LRRN1: variants seen among roughly 807,000 people sequenced by gnomAD.
LRRN1 encodes leucine-rich repeat neuronal protein 1.
A neutral mutation model predicts 45.8 loss-of-function variants in LRRN1; 14 were observed. That is an observed-to-expected ratio of 0.31 (90% confidence interval 0.20 to 0.48). LRRN1 has a LOEUF of 0.48. LRRN1 is among the 20% of genes least tolerant of loss of function. The pLI is 0.99. For synonymous variants in LRRN1, 359 were observed against 330.1 expected (o/e 1.09, Z -0.95); for missense variants, 789 against 874.2 (o/e 0.90, Z 1.23).
intron 1 of LRRN1, among the ~76,000 whole-genome samples, chr3:3,800,517 C>G (rs1692624261): frequency 6.6e-6 from 1 of 151,578 alleles, no homozygotes; most frequent in Non-Finnish European, 1.5e-5. Context: ...GAAGGATCTA[C>G]CGAACTCTCG....
intron 1 of LRRN1, among the ~76,000 whole-genome samples, chr3:3,808,954 G>A (rs1692821434): frequency 1.3e-5 from 2 of 152,168 alleles, no homozygotes; most frequent in Admixed American, 1.3e-4. Flanking sequence ...GTTACAGATT[G>A]CATTCTCCTA....
chr3:3,834,064 T>C (rs1035953119), intron 1 of LRRN1, among the ~76,000 whole-genome samples: 5 of 152,144 alleles, frequency 3.3e-5, no homozygotes, highest in African/African-American at 9.7e-5. Context: ...GACAAGACTC[T>C]CACTCAGGGT....
intron 1 of LRRN1, among the ~76,000 whole-genome samples, chr3:3,815,452 A>G (rs964873133): frequency 2.6e-5 from 4 of 152,184 alleles, no homozygotes; most frequent in Non-Finnish European, 5.9e-5. Context: ...GGCATTTGGA[A>G]TGGTACAGAA....
intron 1 of LRRN1, among the ~76,000 whole-genome samples, chr3:3,824,912 T>A (rs1166378014): frequency 6.6e-6 from 1 of 152,114 alleles, no homozygotes; most frequent in East Asian, 1.9e-4. Context: ...TTATTGTAGA[T>A]GTGTCCTGTG....
At chr3:3,827,569 C>T in intron 1 of LRRN1, 2 of 448,820 alleles carry the variant, frequency 4.5e-6, no homozygotes, top group South Asian at 3.1e-5. Flanking sequence ...TTATTCAAGC[C>T]ATTCCTAAAA....
At chr3:3,810,239 G>A (rs373064000) in intron 1 of LRRN1, among the ~76,000 whole-genome samples, 260 of 152,128 alleles carry the variant, frequency 1.7e-3, no homozygotes, top group African/African-American at 5.8e-3. Flanking sequence ...AAGAGAATAG[G>A]TTAGGTTCAG....
At chr3:3,832,474 C>G (rs1047778544) in intron 1 of LRRN1, among the ~76,000 whole-genome samples, 1 of 152,174 alleles carries the variant, frequency 6.6e-6, no homozygotes, top group African/African-American at 2.4e-5. Flanking sequence ...GCATAAGCCC[C>G]TGCTTTAACT....
chr3:3,832,783 T>G (rs1465363045), intron 1 of LRRN1, among the ~76,000 whole-genome samples: 1 of 152,158 alleles, frequency 6.6e-6, no homozygotes, highest in Non-Finnish European at 1.5e-5. Context: ...TAATTCAAAT[T>G]AGTATTTTGT....
Position 3,846,933 on chromosome 3 carries a change from A to T in LRRN1, c.*141A>T, listed in dbSNP as rs1347858879. ...GTGGAGAGGACGGGTGGATATTTCA[A>T]ATTTTTTTAGTATAGCGTATCGCAA... is the stretch of plus-strand genomic sequence containing the variant. On this transcript the variant is annotated 3_prime_UTR_variant, in exon 2 of 2. Transcript: ENST00000319331. This position sits in a 1 kb window ranked among gnomAD's most constrained non-coding sequence, Gnocchi z 5.7. 3 of 685,316 alleles carry T rather than the reference A, an allele frequency of 4.4e-6. No homozygotes were observed. Among genetic ancestry groups the T allele is most frequent in the Non-Finnish European group, 7.2e-6 (3 of 416,746 alleles). 42.5% of individuals were successfully genotyped at this position (685,316 alleles called of 1,614,324 possible).
intron 1 of LRRN1, among the ~76,000 whole-genome samples, chr3:3,819,308 C>G (rs190345971): frequency 3.6e-4 from 54 of 151,872 alleles, no homozygotes; most frequent in Admixed American, 7.2e-4. Context: ...ACTTTAAAAT[C>G]TTACACTTCT....
intron 1 of LRRN1, among the ~76,000 whole-genome samples, chr3:3,831,457 T>A (rs775375004): frequency 6.6e-6 from 1 of 152,240 alleles, no homozygotes; most frequent in African/African-American, 2.4e-5. Context: ...CAGCATACTG[T>A]CATCAACGTA....
At chr3:3,825,585 A>T (rs2106460697) in intron 1 of LRRN1, among the ~76,000 whole-genome samples, 1 of 152,262 alleles carries the variant, frequency 6.6e-6, no homozygotes, top group East Asian at 1.9e-4. Context: ...CCACCCCAGA[A>T]ATTTAACATG....
At chr3:3,822,253 A>G (rs997828442) in intron 1 of LRRN1, among the ~76,000 whole-genome samples, 11 of 152,218 alleles carry the variant, frequency 7.2e-5, no homozygotes, top group Non-Finnish European at 1.6e-4. Flanking sequence ...GCATAATAAG[A>G]GCTTAATAAG....
chr3:3,810,611 G>T lies in LRRN1; in HGVS notation c.-279+10692G>T, dbSNP rs545562778. On this transcript the variant is annotated intron_variant, in intron 1 of 1. Coordinates refer to ENST00000319331, the MANE Select transcript of LRRN1 (RefSeq NM_020873.7). ...AGTCCCAGTTACTTGGGAGGCTGAG[G>T]TGGGAGGATCACCTGAACCCAGGAG... is the stretch of plus-strand genomic sequence containing the variant. Among the ~76,000 whole-genome samples, 8 of 152,344 alleles carry T rather than the reference G, an allele frequency of 5.3e-5. No homozygotes were observed. In the East Asian group the frequency reaches 1.4e-3, roughly 26 times the overall value.
In LRRN1 at chr3:3,836,847, C is replaced by T. The variant is rs540467095; in HGVS notation, c.-278-7517C>T. On this transcript the variant is annotated intron_variant, in intron 1 of 1. Coordinates refer to ENST00000319331, the MANE Select transcript of LRRN1 (RefSeq NM_020873.7). ...GCTGGTACCACATAAGAAGGTTCAT[C>T]AGTAAAGGAAAAAAGGGTTACATGT... Among the ~76,000 whole-genome samples, 123 of 152,064 alleles carry T rather than the reference C, an allele frequency of 8.1e-4. 1 individual carries two copies. Among genetic ancestry groups the T allele is most frequent in the African/African-American group, 2.8e-3 (116 of 41,490 alleles).
At chr3:3,807,872 C>T (rs747148322) in intron 1 of LRRN1, among the ~76,000 whole-genome samples, 1 of 152,164 alleles carries the variant, frequency 6.6e-6, no homozygotes, top group African/African-American at 2.4e-5. Context: ...GCCTAACCCC[C>T]CAAAGGACCA....
rs940202474 is a variant in LRRN1, at chr3:3,849,335, C to CT, written c.*2547dup. Among the ~76,000 whole-genome samples, 1 of 152,214 alleles carries CT rather than the reference C, an allele frequency of 6.6e-6. No homozygotes were observed. The highest frequency in any genetic ancestry group is 1.5e-5 in the Non-Finnish European group (1 of 68,026). Reference sequence around the variant, plus strand: ...CAGCCCAGTTTGGGGGGAAAAACCCCTTTTACATTTTTCTTCAGTAAAGTA... The same window carrying CT: ...CAGCCCAGTTTGGGGGGAAAAACCCCTTTTTACATTTTTCTTCAGTAAAGTA... On this transcript the variant is annotated 3_prime_UTR_variant, in exon 2 of 2. Transcript: ENST00000319331.
chr3:3,846,403 C>A lies in LRRN1; in HGVS notation c.1762C>A (p.Pro588Thr). The A allele has an allele frequency of 6.2e-7, 1 of 1,613,940 alleles. No individual in the cohort carries two copies. Reference sequence around the variant, plus strand: ...TGAATACAACCTAACGCATCTGCAGCCTTCCACAGATTATGAAGTGTGTCT... The same window carrying A: ...TGAATACAACCTAACGCATCTGCAGACTTCCACAGATTATGAAGTGTGTCT... ...VHEYNLTHLQ[P>T]STDYEVCLTV... The change falls in exon 2 of 2, where the codon CCT becomes ACT. Residue 588 changes from proline to threonine, a missense_variant. Pro to Thr is a conservative substitution (Grantham distance 38). Transcript: ENST00000319331. The surrounding 1 kb of genome is among the most constrained non-coding windows in gnomAD (Gnocchi z 5.7).
At chr3:3,809,697 T>C (rs1307393875) in intron 1 of LRRN1, among the ~76,000 whole-genome samples, 2 of 152,172 alleles carry the variant, frequency 1.3e-5, no homozygotes, top group Non-Finnish European at 2.9e-5. Context: ...AGCTCTGTGA[T>C]CTAGAGTGAT....
Sources: gnomAD v4.1 joint callset for allele counts (sites outside exome capture counted in the v4.1 genomes callset) on GRCh38, gnomAD v4.1.1 for gene constraint, Gnocchi (gnomAD v3.1) non-coding constraint, MANE v1.5 for transcripts, NCBI Gene and HGNC (gene_info 2026-07-23, HGNC 2026-07-21) for gene names.